UBXN2B: variants seen among roughly 807,000 people sequenced by gnomAD.
UBXN2B encodes UBX domain protein 2B.
In UBXN2B, 19 loss-of-function variants were observed where a neutral mutation model predicts 37.5. That is an observed-to-expected ratio of 0.51 (90% CI 0.35 to 0.74). UBXN2B has a LOEUF of 0.74. Among genes scored for constraint, UBXN2B ranks in the 30% least tolerant of loss-of-function variants. The probability of loss-of-function intolerance (pLI) is 0.01; values close to 1 mark genes in which losing one functional copy is unlikely to be tolerated. For synonymous variants in UBXN2B, 145 were observed against 143.8 expected (o/e 1.01, Z -0.06); for missense variants, 370 against 393.2 (o/e 0.94, Z 0.50).
chr8:58,432,266 G>C (rs1342233328), intron 3 of UBXN2B, among the ~76,000 whole-genome samples: 3 of 151,410 alleles, frequency 2.0e-5, no homozygotes, highest in African/African-American at 7.3e-5. Context: ...AAGGTGTGAG[G>C]TTGACACCAG....
In UBXN2B at chr8:58,416,919, A is replaced by C; in HGVS notation, c.154A>C (p.Thr52Pro). ...TTCCAAGTCTAATAGACCTAAAGCCACAGTCTTCAAGAGCCCACGGACACC... is the reference window on the plus strand; with the variant it reads ...TTCCAAGTCTAATAGACCTAAAGCCCCAGTCTTCAAGAGCCCACGGACACC... The part of the protein sequence containing the change: ...KSSKSNRPKA[T>P]VFKSPRTPPQ... Residue 52 changes from threonine (T) to proline (P), a missense_variant, in exon 2 of 8, where the codon ACA becomes CCA. By Grantham distance (38) the Thr-to-Pro change is conservative. This residue lies in a region of UBXN2B where 197 missense variants were observed against 170.2 expected (regional missense o/e 1.16). Coordinates refer to ENST00000399598, the MANE Select transcript of UBXN2B (RefSeq NM_001077619.2). 1 of 1,612,094 alleles carries C rather than the reference A, an allele frequency of 6.2e-7. No individual in the cohort carries two copies. Among genetic ancestry groups the C allele is most frequent in the Non-Finnish European group, 8.5e-7 (1 of 1,178,586 alleles).
intron 1 of UBXN2B, among the ~76,000 whole-genome samples, chr8:58,412,201 TACTA>T (rs1363322410): frequency 1.3e-5 from 2 of 152,224 alleles, no homozygotes; most frequent in African/African-American, 4.8e-5. Flanking sequence ...AGTAAGGAGA[TACTA>T]AGGAGAATCT....
intron 5 of UBXN2B, among the ~76,000 whole-genome samples, chr8:58,436,701 A>G (rs1808420675): frequency 6.6e-6 from 1 of 152,092 alleles, no homozygotes; most frequent in South Asian, 2.1e-4. Flanking sequence ...TTCAAGTGAA[A>G]GCTGATTGTT....
chr8:58,447,620 A>G lies in UBXN2B; in HGVS notation c.*69A>G. On this transcript the variant is annotated 3_prime_UTR_variant, in exon 8 of 8. Transcript: ENST00000399598. ...GCCGTATTAATAAGGACAATACTTC[A>G]GCATTAAAAACAGCCAAATTATTTT... 1 of 1,359,364 alleles carries G rather than the reference A, an allele frequency of 7.4e-7. No homozygotes were observed. Among genetic ancestry groups the G allele is most frequent in the Non-Finnish European group, 9.7e-7 (1 of 1,032,956 alleles). 84.2% of individuals were successfully genotyped at this position (1,359,364 alleles called of 1,614,324 possible). A position where few individuals can be genotyped will look rare whatever the true frequency, so the allele number is the denominator to read the frequency against.
At chr8:58,425,478 G>A (rs990265834) in intron 2 of UBXN2B, 14 of 1,116,846 alleles carry the variant, frequency 1.3e-5, no homozygotes, top group Admixed American at 8.5e-5. Flanking sequence ...AAACAGGCTC[G>A]TTGGGATCAC....
intron 2 of UBXN2B, among the ~76,000 whole-genome samples, chr8:58,421,837 A>C (rs1433930173): frequency 6.6e-6 from 1 of 152,260 alleles, no homozygotes; most frequent in Admixed American, 6.5e-5. Context: ...ACATAAGAAC[A>C]TGATAGTTTG....
chr8:58,417,935 C>T (rs1236404439), intron 2 of UBXN2B, among the ~76,000 whole-genome samples: 1 of 152,004 alleles, frequency 6.6e-6, no homozygotes, highest in Non-Finnish European at 1.5e-5. Context: ...TTGATAACAC[C>T]TTACAAAATT....
Position 58,439,702 on chromosome 8 carries a change from G to A in UBXN2B, c.603G>A (p.Gln201=). The A allele has an allele frequency of 6.2e-7, 1 of 1,612,858 alleles. No individual in the cohort carries two copies. Among genetic ancestry groups the A allele is most frequent in the Non-Finnish European group, 8.5e-7 (1 of 1,179,566 alleles). Residue 201 remains glutamine (Q), a synonymous_variant, in exon 6 of 8, where the codon CAG becomes CAA. Coordinates refer to ENST00000399598, the MANE Select transcript of UBXN2B (RefSeq NM_001077619.2). ...TGAATTTGGATATGGAGGATCATCA[G>A]GATCAAGAATACATAAAACCTAGAT... ...GQVNLDMEDH[Q]DQEYIKPRLR...
At chr8:58,411,502 G>A in intron 1 of UBXN2B, 33 bp downstream of exon 1, 9 of 1,245,806 alleles carry the variant, frequency 7.2e-6, no homozygotes, top group Non-Finnish European at 9.1e-6. Context: ...GGAGCGCGGC[G>A]GTGGACGCGG....
chr8:58,434,945 A>G, intron 5 of UBXN2B: 6 of 1,535,578 alleles, frequency 3.9e-6, no homozygotes, highest in South Asian at 1.2e-5. Flanking sequence ...GAAGATTTCA[A>G]AAGGTTAGTT....
intron 2 of UBXN2B, among the ~76,000 whole-genome samples, chr8:58,424,349 G>A (rs1287999938): frequency 2.0e-5 from 3 of 152,098 alleles, no homozygotes; most frequent in Non-Finnish European, 1.5e-5. Flanking sequence ...TGTCTACATA[G>A]TAGAGATGAT....
intron 6 of UBXN2B, among the ~76,000 whole-genome samples, chr8:58,444,883 C>T (rs1808634033): frequency 6.6e-6 from 1 of 152,156 alleles, no homozygotes; most frequent in South Asian, 2.1e-4. Flanking sequence ...TTACTGTGTA[C>T]TCTGAGAGAG....
chr8:58,437,979 A>T (rs982544680), intron 5 of UBXN2B, among the ~76,000 whole-genome samples: 3 of 134,270 alleles, frequency 2.2e-5, no homozygotes, highest in Admixed American at 8.7e-5. Context: ...TCACAGGCCC[A>T]GAGTCCTAGG....
chr8:58,429,102 A>G (rs996842545), intron 2 of UBXN2B, among the ~76,000 whole-genome samples: 2 of 152,260 alleles, frequency 1.3e-5, no homozygotes, highest in African/African-American at 2.4e-5. Context: ...ATCATTTGCT[A>G]TGACCGATTT....
chr8:58,434,779 A>G lies in UBXN2B; in HGVS notation c.533+275A>G. ...TATGAACCCAGCTCCAAGAAGAAAC[A>G]TCTTAATGTGATAATCAGTGAATTA... On this transcript the variant is annotated intron_variant, in intron 5 of 7. Transcript: ENST00000399598. 2.0e-6 allele frequency: 3 copies of G among 1,523,364 alleles called. No individual in the cohort carries two copies. The South Asian group carries it at 3.6e-5, about 18-fold the overall frequency. 94.4% of individuals were successfully genotyped at this position (1,523,364 alleles called of 1,614,324 possible).
At chr8:58,413,585 A>G (rs1325374514) in intron 1 of UBXN2B, among the ~76,000 whole-genome samples, 3 of 152,088 alleles carry the variant, frequency 2.0e-5, no homozygotes, top group African/African-American at 4.8e-5. Flanking sequence ...CATATTACCA[A>G]TTGGAACAAG....
intron 3 of UBXN2B, among the ~76,000 whole-genome samples, chr8:58,432,101 A>G (rs968561607): frequency 2.6e-5 from 4 of 152,280 alleles, no homozygotes; most frequent in Non-Finnish European, 4.4e-5. Flanking sequence ...ATAAAGTCCA[A>G]TTTATTCCTT....
At chr8:58,424,818 G>C in intron 2 of UBXN2B, 4 of 1,441,808 alleles carry the variant, frequency 2.8e-6, no homozygotes, top group East Asian at 2.3e-5. Flanking sequence ...TATAATGCTG[G>C]ACCGCCATAT....
chr8:58,438,565 G>C (rs568941432), intron 5 of UBXN2B, among the ~76,000 whole-genome samples: 6 of 152,304 alleles, frequency 3.9e-5, no homozygotes, highest in Non-Finnish European at 7.3e-5. Flanking sequence ...GGGGCCTGTT[G>C]CCTCTTTCTT....
Sources: gnomAD v4.1 joint callset for allele counts (sites outside exome capture counted in the v4.1 genomes callset) on GRCh38, gnomAD v4.1.1 for gene constraint, gnomAD v4.1.1 regional missense constraint, MANE v1.5 for transcripts, NCBI Gene and HGNC (gene_info 2026-07-23, HGNC 2026-07-21) for gene names.